HSPG2: variants seen among roughly 807,000 people sequenced by gnomAD.
HSPG2 encodes heparan sulfate proteoglycan 2.
In HSPG2, 278 loss-of-function variants were observed where a neutral mutation model predicts 526.6. The ratio of observed to expected loss-of-function variants is 0.53; its 90% CI spans 0.48 to 0.58. The LOEUF (loss-of-function observed/expected upper bound fraction) is 0.58, where lower values mean the gene tolerates loss of function less well. Among genes scored for constraint, HSPG2 ranks in the 20% least tolerant of loss-of-function variants. HSPG2 has a pLI of 0.00. For synonymous variants in HSPG2, 2,465 were observed against 2,555.4 expected, an observed-to-expected ratio of 0.96 and a Z score of 1.07; for missense variants, 5,354 against 6,099.5, an observed-to-expected ratio of 0.88 and a Z score of 4.07.
chr1:21,910,017 C>T (rs1572430522), intron 1 of HSPG2, among the ~76,000 whole-genome samples: 2 of 152,242 alleles, frequency 1.3e-5, no homozygotes, highest in East Asian at 1.9e-4. Context: ...GCCTTCCTGC[C>T]TGAGCCAGAC....
chr1:21,911,616 G>A (rs866190590), intron 1 of HSPG2, among the ~76,000 whole-genome samples: 3 of 152,352 alleles, frequency 2.0e-5, no homozygotes, highest in Non-Finnish European at 2.9e-5. Flanking sequence ...CCGGAGCAAA[G>A]GTCTGGGGCT....
intron 6 of HSPG2, chr1:21,888,553 G>A (rs1023199505): frequency 3.7e-5 from 23 of 620,108 alleles, no homozygotes; most frequent in East Asian, 1.4e-4. Flanking sequence ...CAATCCTCCC[G>A]TCTTGGCCTC....
intron 1 of HSPG2, among the ~76,000 whole-genome samples, chr1:21,934,843 C>G (rs1644443084): frequency 6.6e-6 from 1 of 152,136 alleles, no homozygotes; most frequent in East Asian, 1.9e-4. Flanking sequence ...GATCCGCTCG[C>G]CTCGGCCTCC....
In HSPG2 at chr1:21,854,986, G is replaced by A. The variant is rs1396735261; in HGVS notation, c.5998-3C>T. The A allele has an allele frequency of 1.2e-6, 2 of 1,612,202 alleles. No individual in the cohort carries two copies. Among genetic ancestry groups the A allele is most frequent in the East Asian group, 2.2e-5 (1 of 44,890 alleles). ...ATGTCTGTGCGCTCTGACCGGGCCT[G>A]CCGTGGGTGAGATGGGTCAGCTGCC... On this transcript the variant is annotated splice_region_variant and splice_polypyrimidine_tract_variant and intron_variant, in intron 47 of 96. Transcript: ENST00000374695.
At chr1:21,897,304 G>A (rs1192314663) in intron 1 of HSPG2, among the ~76,000 whole-genome samples, 1 of 152,230 alleles carries the variant, frequency 6.6e-6, no homozygotes, top group East Asian at 1.9e-4. Flanking sequence ...CTGGCATGAG[G>A]GCCTCAGGCC....
chr1:21,844,865 T>A (rs1228930000), intron 64 of HSPG2, among the ~76,000 whole-genome samples: 2 of 152,242 alleles, frequency 1.3e-5, no homozygotes, highest in African/African-American at 4.8e-5. Context: ...TAGCAATCTG[T>A]GTCCCCTTAT....
At chr1:21,869,460 AC>A in intron 33 of HSPG2, 1 of 986,468 alleles carries the variant, frequency 1.0e-6, no homozygotes, top group Non-Finnish European at 1.2e-6. Flanking sequence ...GCACCTTGGC[AC>A]ATACCTGAGA....
intron 65 of HSPG2, among the ~76,000 whole-genome samples, chr1:21,843,787 C>T (rs2098059589): frequency 6.6e-6 from 1 of 152,174 alleles, no homozygotes; most frequent in Non-Finnish European, 1.5e-5. Flanking sequence ...GCTGGGATTA[C>T]AGGCATCTGC....
At position 21,873,230 on chromosome 1, in the gene HSPG2, G is replaced by T; in HGVS notation, c.3794-139C>A. 3 of 1,155,028 alleles carry T rather than the reference G, an allele frequency of 2.6e-6. No individual in the cohort carries two copies. In the South Asian group the frequency reaches 3.7e-5, roughly 14 times the overall value. 71.5% of individuals were successfully genotyped at this position (1,155,028 alleles called of 1,614,324 possible). A position where few individuals can be genotyped will look rare whatever the true frequency, so the allele number is the denominator to read the frequency against. On this transcript the variant is annotated intron_variant, in intron 30 of 96. Coordinates refer to ENST00000374695, the MANE Select transcript of HSPG2 (RefSeq NM_005529.7). ...CACTCTCACGACAGCCCTCGGAGGT[G>T]GTGGGGCCTTCTCCTATCCCCATTT...
rs767300172 is a variant in HSPG2 at position 21,839,097 on chromosome 1, G to A, written c.9890-12C>T. On this transcript the variant is annotated splice_polypyrimidine_tract_variant and intron_variant, in intron 73 of 96. Transcript: ENST00000374695. The surrounding 1 kb of genome is among the most constrained non-coding windows in gnomAD (Gnocchi z 4.5). ...GGCATATGGTGGGCCTGAGTGGGGG[G>A]ACACAGAGGTCAGGATTGGGGAGGG... 7.6e-6 allele frequency: 12 copies of A among 1,572,058 alleles called. No individual in the cohort carries two copies. The South Asian group carries it at 8.3e-5, about 11-fold the overall frequency.
At position 21,842,933 on chromosome 1, in the gene HSPG2, GGGGGTGGGTGAGA is replaced by G; in HGVS notation, c.8759-25_8759-13del. ...GGCCAGTCCTGGAGCTGTGGGCACAGGGGGTGGGTGAGAGAGGCCAGGCTCCGGGGATCAAGGC... is the reference window on the plus strand; with the variant it reads ...GGCCAGTCCTGGAGCTGTGGGCACAGGAGGCCAGGCTCCGGGGATCAAGGC... On this transcript the variant is annotated splice_polypyrimidine_tract_variant and intron_variant, in intron 66 of 96. Coordinates refer to ENST00000374695, the MANE Select transcript of HSPG2 (RefSeq NM_005529.7). The G allele has an allele frequency of 6.2e-7, 1 of 1,614,012 alleles. No individual in the cohort carries two copies. The highest frequency in any genetic ancestry group is 8.5e-7 in the Non-Finnish European group (1 of 1,179,964).
rs769088707 is a variant in HSPG2, at chr1:21,879,109, T to C, written c.2356A>G (p.Asn786Asp). ...VYGHCLNCQH[N>D]TEGPQCNKCK... Reference sequence around the variant, plus strand: ...TTGTTGCACTGTGGCCCCTCCGTGTTGTGCTGGCAATTCTAGAAGAAGGAG... The same window carrying C: ...TTGTTGCACTGTGGCCCCTCCGTGTCGTGCTGGCAATTCTAGAAGAAGGAG... The change falls in exon 18 of 97, where the codon AAC (asparagine) becomes GAC (aspartate). Residue 786 changes from asparagine to aspartate, a missense_variant. Coordinates refer to ENST00000374695, the MANE Select transcript of HSPG2 (RefSeq NM_005529.7). The C allele has an allele frequency of 6.2e-7, 1 of 1,614,236 alleles. No homozygotes were observed. The highest frequency in any genetic ancestry group is 8.5e-7 in the Non-Finnish European group (1 of 1,180,042).
chr1:21,933,525 C>T (rs948781256), intron 1 of HSPG2, among the ~76,000 whole-genome samples: 5 of 152,236 alleles, frequency 3.3e-5, no homozygotes, highest in African/African-American at 1.2e-4. Context: ...ACCCGTCTTC[C>T]GGGCCCTGAA....
chr1:21,847,301 C>T lies in HSPG2; in HGVS notation c.8164+53G>A. On this transcript the variant is annotated intron_variant, in intron 62 of 96. Transcript: ENST00000374695. This position sits in a 1 kb window ranked among gnomAD's most constrained non-coding sequence, Gnocchi z 4.1. The stretch of plus-strand genomic sequence containing the variant: ...GGACTCTGACCTGAAAGTTCCTTCT[C>T]CCCAGGGAACACTGTTGCCTGCATC... 6 of 1,607,872 alleles carry T rather than the reference C, an allele frequency of 3.7e-6. No homozygotes were observed. The highest frequency in any genetic ancestry group is 1.1e-5 in the South Asian group (1 of 90,940).
Position 21,848,363 on chromosome 1 carries a change from G to C in HSPG2, c.7738-270C>G, listed in dbSNP as rs12062335. Among the ~76,000 whole-genome samples the C allele has an allele frequency of 1.1e-4, 16 of 152,186 alleles. No individual in the cohort carries two copies. Among genetic ancestry groups the C allele is most frequent in the African/African-American group, 3.9e-4 (16 of 41,438 alleles). ...CTCCCACAGCCTGCGAGCTGCCTGA[G>C]AGCAGGCAACTGTCTCATTCCATCT... On this transcript the variant is annotated intron_variant, in intron 59 of 96. Coordinates refer to ENST00000374695, the MANE Select transcript of HSPG2 (RefSeq NM_005529.7). The surrounding 1 kb of genome is among the most constrained non-coding windows in gnomAD (Gnocchi z 4.9).
chr1:21,890,140 C>A lies in HSPG2; in HGVS notation c.415G>T (p.Glu139Ter), dbSNP rs1305074074. 2 of 1,614,048 alleles carry A rather than the reference C, an allele frequency of 1.2e-6. No homozygotes were observed. Among genetic ancestry groups the A allele is most frequent in the Non-Finnish European group, 8.5e-7 (1 of 1,179,982 alleles). The change falls in exon 6 of 97, where the codon GAG becomes TAG. Residue 139 changes from glutamate to a stop codon, truncating the protein, a stop_gained and splice_region_variant. Transcript: ENST00000374695. LOFTEE classifies it high-confidence loss of function. This position sits in a 1 kb window ranked among gnomAD's most constrained non-coding sequence, Gnocchi z 4.1. ...DQVVSVVFIK[E>*]LDGWVFVELD... ...TCCACAAAAACCCAGCCATCCAGCT[C>A]CCTGGGGATGGAGACAGGCAGGAGA...
chr1:21,903,598 C>G (rs910026911), intron 1 of HSPG2, among the ~76,000 whole-genome samples: 2 of 151,986 alleles, frequency 1.3e-5, no homozygotes, highest in Non-Finnish European at 2.9e-5. Context: ...AAAACTCCAT[C>G]TCAAAAAATA....
Position 21,865,354 on chromosome 1 carries a change from G to A in HSPG2, c.4326C>T (p.Ile1442=), listed in dbSNP as rs1318742403. ...GCGCTGGCTGGGAGGCCACTAGCAT[G>A]ATGTTGTTGCCCTGGAAAGACACCA... ...DPDVQITGNN[I]MLVASQPALQ... is the part of the protein sequence containing the mutation. Residue 1442 remains isoleucine, a synonymous_variant, in exon 35 of 97, where the codon ATC becomes ATT. Transcript: ENST00000374695. The surrounding 1 kb of genome is among the most constrained non-coding windows in gnomAD (Gnocchi z 5.4). 2 of 1,614,094 alleles carry A rather than the reference G, an allele frequency of 1.2e-6. No individual in the cohort carries two copies. Among genetic ancestry groups the A allele is most frequent in the Non-Finnish European group, 1.7e-6 (2 of 1,179,986 alleles).
Position 21,848,120 on chromosome 1 carries a change from T to C in HSPG2, c.7738-27A>G, listed in dbSNP as rs1465678210. 1 of 1,558,864 alleles carries C rather than the reference T, an allele frequency of 6.4e-7. No individual in the cohort carries two copies. On this transcript the variant is annotated intron_variant, in intron 59 of 96. Transcript: ENST00000374695. This position sits in a 1 kb window ranked among gnomAD's most constrained non-coding sequence, Gnocchi z 4.9. ...TGCAGGAAGCAGATGGCAGGAGGTA[T>C]GGCAGTAGGTGTGGGCAGCTCCTCC... is the stretch of plus-strand genomic sequence containing the variant.
Sources: gnomAD v4.1 joint callset for allele counts (sites outside exome capture counted in the v4.1 genomes callset) on GRCh38, gnomAD v4.1.1 for gene constraint, Gnocchi (gnomAD v3.1) non-coding constraint, MANE v1.5 for transcripts, NCBI Gene and HGNC (gene_info 2026-07-23, HGNC 2026-07-21) for gene names.